Variants in WNK2 observed in about 807,000 individuals in gnomAD.
WNK2 encodes WNK lysine deficient protein kinase 2.
Under a neutral mutation model 192.1 loss-of-function variants are expected in WNK2, and 67 were observed. The observed-to-expected ratio is 0.35, with a 90% CI of 0.29 to 0.43. WNK2 has a LOEUF of 0.43. Among genes scored for constraint, WNK2 ranks in the 20% least tolerant of loss-of-function variants. The pLI is 1.00. For synonymous variants in WNK2, 1,439 were observed against 1,393.9 expected, an observed-to-expected ratio of 1.03 and a Z score of -0.72; for missense variants, 2,698 against 3,089.7, an observed-to-expected ratio of 0.87 and a Z score of 3.01.
intron 2 of WNK2, among the ~76,000 whole-genome samples, chr9:93,189,643 GGACAGCCCAGCCACCC>G (rs941119354): frequency 6.6e-6 from 1 of 152,344 alleles, no homozygotes; most frequent in African/African-American, 2.4e-5. Context: ...CATCCTCCAA[GGACAGCCCAGCCACCC>G]GACAGCCTCT....
intron 26 of WNK2, among the ~76,000 whole-genome samples, chr9:93,305,275 G>C (rs1852319349): frequency 6.6e-6 from 1 of 152,204 alleles, no homozygotes; most frequent in Non-Finnish European, 1.5e-5. Context: ...TGCTCACCCA[G>C]TGCCCCTACA....
chr9:93,231,646 G>A (rs1009684414), intron 4 of WNK2, among the ~76,000 whole-genome samples: 6 of 152,244 alleles, frequency 3.9e-5, no homozygotes, highest in East Asian at 1.9e-4. Context: ...ACATACCTGC[G>A]GGGCGGGGCA....
At chr9:93,293,253 C>T (rs964810155) in intron 23 of WNK2, 80 bp downstream of exon 23, 14 of 1,336,954 alleles carry the variant, frequency 1.0e-5, no homozygotes, top group East Asian at 5.8e-5. Context: ...ACCCTGGTGC[C>T]GGGGCTGAAG....
chr9:93,268,159 G>C, intron 18 of WNK2, 94 bp downstream of exon 18: 1 of 1,504,120 alleles, frequency 6.6e-7, no homozygotes. Context: ...TGCTTGGGGG[G>C]ATTATGGAAG....
Position 93,289,959 on chromosome 9 carries a change from T to C in WNK2, c.4867-19T>C. 1 of 1,555,392 alleles carries C rather than the reference T, an allele frequency of 6.4e-7. No homozygotes were observed. The highest frequency in any genetic ancestry group is 1.4e-5 in the African/African-American group (1 of 73,470). On this transcript the variant is annotated intron_variant, in intron 20 of 29. Transcript: ENST00000427277. ...CTGTGAGTCTCACGGCTCTTCTCTT[T>C]TTGTGTTTCTTTCTCCAGGTGGAGA...
intron 26 of WNK2, among the ~76,000 whole-genome samples, chr9:93,304,005 G>C (rs1376550282): frequency 6.6e-6 from 1 of 152,228 alleles, no homozygotes; most frequent in Non-Finnish European, 1.5e-5. Flanking sequence ...GGGCACCCAT[G>C]ATGGGAGGTG....
intron 2 of WNK2, among the ~76,000 whole-genome samples, chr9:93,211,000 CTCACTCACAT>C (rs145739038): frequency 0.011 from 1,672 of 151,986 alleles, 26 homozygotes; most frequent in African/African-American, 0.039. Flanking sequence ...CATTCATTCA[CTCACTCACAT>C]TCACTCATTC....
chr9:93,196,344 T>G (rs1831282955), intron 2 of WNK2, among the ~76,000 whole-genome samples: 1 of 152,216 alleles, frequency 6.6e-6, no homozygotes, highest in South Asian at 2.1e-4. Context: ...TGCTGACCTT[T>G]GATCCTACTC....
At chr9:93,228,896 G>A (rs780670035) in intron 2 of WNK2, among the ~76,000 whole-genome samples, 3 of 152,186 alleles carry the variant, frequency 2.0e-5, no homozygotes, top group Non-Finnish European at 4.4e-5. Flanking sequence ...GGGAGTCAGA[G>A]GGGAGAGGTG....
Position 93,240,309 on chromosome 9 carries a change from G to A in WNK2, c.1542+333G>A, listed in dbSNP as rs1346197088. ...CTGACTTGTCAGAAAGGCCTCGCTT[G>A]CTTTGCCGGACTCTTGCTGACTTTG... On this transcript the variant is annotated intron_variant, in intron 7 of 29. Transcript: ENST00000427277. 2.6e-5 allele frequency among the ~76,000 whole-genome samples: 4 copies of A among 152,208 alleles called. No homozygotes were observed. The East Asian group carries it at 7.7e-4, about 29-fold the overall frequency.
At chr9:93,250,892 C>G (rs1842505108) in intron 8 of WNK2, among the ~76,000 whole-genome samples, 3 of 143,502 alleles carry the variant, frequency 2.1e-5, no homozygotes, top group Non-Finnish European at 4.5e-5. Context: ...TCAAGTGATT[C>G]TTCTGCATCA....
intron 7 of WNK2, among the ~76,000 whole-genome samples, chr9:93,242,664 C>T (rs1022690626): frequency 1.3e-5 from 2 of 152,208 alleles, no homozygotes; most frequent in Non-Finnish European, 2.9e-5. Flanking sequence ...TCTGGAGGCA[C>T]CTGGCTGGCC....
chr9:93,191,870 C>A (rs1830389514), intron 2 of WNK2, among the ~76,000 whole-genome samples: 1 of 151,786 alleles, frequency 6.6e-6, no homozygotes, highest in Admixed American at 6.6e-5. Flanking sequence ...ACTAAAAATA[C>A]AAAAAAATTA....
In WNK2 at chr9:93,320,432, G is replaced by A; in HGVS notation, c.*40G>A. On this transcript the variant is annotated 3_prime_UTR_variant, in exon 30 of 30. Coordinates refer to ENST00000427277, the MANE Select transcript of WNK2 (RefSeq NM_006648.4). ...CAGGCCCACTTCACGCCGTCTAAGT[G>A]GAGAAGTGACGGACCCTCAGGGCCA... is the stretch of plus-strand genomic sequence containing the variant. 7.3e-7 allele frequency: 1 copy of A among 1,367,546 alleles called. No homozygotes were observed. Among genetic ancestry groups the A allele is most frequent in the African/African-American group, 1.5e-5 (1 of 67,884 alleles). The allele number at this position is 1,367,546 out of a possible 1,614,324, so 84.7% of individuals were successfully genotyped here.
At chr9:93,276,545 A>C (rs1846914165) in intron 19 of WNK2, among the ~76,000 whole-genome samples, 1 of 152,244 alleles carries the variant, frequency 6.6e-6, no homozygotes, top group Admixed American at 6.5e-5. Flanking sequence ...ACCTGACACC[A>C]AAAGTATGAT....
chr9:93,303,872 G>A (rs915539674), intron 26 of WNK2, among the ~76,000 whole-genome samples: 3 of 152,194 alleles, frequency 2.0e-5, no homozygotes, highest in Non-Finnish European at 4.4e-5. Context: ...CCTTAAAAGG[G>A]GTTTTGTCCC....
intron 28 of WNK2, among the ~76,000 whole-genome samples, chr9:93,314,245 G>A (rs1424421288): frequency 6.6e-6 from 1 of 152,180 alleles, no homozygotes; most frequent in Non-Finnish European, 1.5e-5. Context: ...TTGTGCCATT[G>A]CACTCCAGCC....
At position 93,306,837 on chromosome 9, in the gene WNK2, T is replaced by C; in HGVS notation, c.6259+16T>C. Reference sequence around the variant, plus strand: ...CACAGCAGTAGTAATTATCCGGGTTTTTTCCCCTTTGTCCTCTCTCATCGC... The same window carrying C: ...CACAGCAGTAGTAATTATCCGGGTTCTTTCCCCTTTGTCCTCTCTCATCGC... On this transcript the variant is annotated intron_variant, in intron 27 of 29. Coordinates refer to ENST00000427277, the MANE Select transcript of WNK2 (RefSeq NM_006648.4). 7 of 1,614,060 alleles carry C rather than the reference T, an allele frequency of 4.3e-6. No individual in the cohort carries two copies. The highest frequency in any genetic ancestry group is 5.9e-6 in the Non-Finnish European group (7 of 1,179,896).
intron 2 of WNK2, among the ~76,000 whole-genome samples, chr9:93,219,505 G>T (rs1421728961): frequency 6.6e-6 from 1 of 152,226 alleles, no homozygotes; most frequent in East Asian, 1.9e-4. Flanking sequence ...ATTAAGTGTG[G>T]ATTGTTTCCA....
Sources: allele counts gnomAD v4.1 joint callset (sites outside exome capture counted in the v4.1 genomes callset), GRCh38; gene constraint gnomAD v4.1.1; transcripts MANE v1.5; gene names NCBI Gene and HGNC (gene_info 2026-07-23, HGNC 2026-07-21).